The following PPP1R12B variants were observed in gnomAD, a reference collection of about 807,000 sequenced individuals.
The protein encoded by PPP1R12B is protein phosphatase 1 regulatory subunit 12B.
PPP1R12B carries 76 observed loss-of-function variants against 126.1 expected under a neutral mutation model. The observed-to-expected ratio is 0.60, with a 90% CI of 0.50 to 0.73. The LOEUF is 0.73. Among genes scored for constraint, PPP1R12B ranks in the 30% least tolerant of loss-of-function variants. The probability of loss-of-function intolerance (pLI) is 0.00; values close to 1 mark genes in which losing one functional copy is unlikely to be tolerated. For synonymous variants in PPP1R12B, 356 were observed against 434.7 expected, an observed-to-expected ratio of 0.82 and a Z score of 2.25; for missense variants, 1,052 against 1,205.1, an observed-to-expected ratio of 0.87 and a Z score of 1.88.
rs1187410131 is a variant in PPP1R12B at position 202,511,302 on chromosome 1, C to T, written c.2490+14480C>T. On this transcript the variant is annotated intron_variant, in intron 18 of 23. Coordinates refer to ENST00000608999, the MANE Select transcript of PPP1R12B (RefSeq NM_002481.4). ...CGCAATCTCAGCTCACTGCAATCTC[C>T]GCCTCCCGGGTTCAAGCGATTCTCC... is the stretch of plus-strand genomic sequence containing the variant. 7.9e-5 allele frequency among the ~76,000 whole-genome samples: 12 copies of T among 151,414 alleles called. No homozygotes were observed. In the South Asian group the frequency reaches 1.0e-3, roughly 13 times the overall value.
At chr1:202,530,051 T>C (rs1453718333) in intron 18 of PPP1R12B, among the ~76,000 whole-genome samples, 2 of 152,212 alleles carry the variant, frequency 1.3e-5, no homozygotes, top group African/African-American at 4.8e-5. Context: ...AGTGTTTAAC[T>C]GACACTATAT....
At position 202,548,806 on chromosome 1, in the gene PPP1R12B, CTCTATATATA is replaced by C. The variant is rs1284941092; in HGVS notation, c.2491-10069_2491-10060del. Among the ~76,000 whole-genome samples the C allele has an allele frequency of 4.9e-3, 372 of 76,388 alleles. 3 individuals are homozygous for C. The highest frequency in any genetic ancestry group is 0.031 in the East Asian group (60 of 1,954). 50.1% of individuals were successfully genotyped at this position (76,388 alleles called of 152,430 possible). On this transcript the variant is annotated intron_variant, in intron 18 of 23. Transcript: ENST00000608999. ...TCTCTCTCTCTCTCTCTCTCTCTCTCTCTATATATATATATATATATATATATATAATTTT... is the reference window on the plus strand; with the variant it reads ...TCTCTCTCTCTCTCTCTCTCTCTCTCTATATATATATATATATATAATTTT...
intron 18 of PPP1R12B, among the ~76,000 whole-genome samples, chr1:202,500,012 C>T (rs1436036722): frequency 2.6e-5 from 4 of 152,158 alleles, no homozygotes; most frequent in Non-Finnish European, 4.4e-5. Context: ...ACTCTTAATA[C>T]GCTATTGGTG....
intron 1 of PPP1R12B, among the ~76,000 whole-genome samples, chr1:202,416,380 G>A (rs1221949700): frequency 1.3e-5 from 2 of 152,068 alleles, no homozygotes; most frequent in African/African-American, 4.8e-5. Flanking sequence ...TACAAAATGA[G>A]CCAGGTGTGG....
intron 12 of PPP1R12B, chr1:202,443,205 C>T: frequency 3.9e-6 from 3 of 763,804 alleles, no homozygotes; most frequent in Non-Finnish European, 4.8e-6. Context: ...AGCCAGCAAA[C>T]CAGGCACCTT....
At chr1:202,470,010 T>C (rs1310616143) in intron 13 of PPP1R12B, among the ~76,000 whole-genome samples, 3 of 152,194 alleles carry the variant, frequency 2.0e-5, no homozygotes, top group African/African-American at 4.8e-5. Flanking sequence ...GTTTAAGAGC[T>C]TTTCTGCTTC....
At chr1:202,458,140 C>G (rs942772956) in intron 13 of PPP1R12B, among the ~76,000 whole-genome samples, 1 of 147,668 alleles carries the variant, frequency 6.8e-6, no homozygotes, top group Non-Finnish European at 1.5e-5. Flanking sequence ...TCAAAGAAAC[C>G]CAAGACTGGT....
chr1:202,523,086 A>G (rs1682943962), intron 18 of PPP1R12B, among the ~76,000 whole-genome samples: 1 of 152,240 alleles, frequency 6.6e-6, no homozygotes, highest in South Asian at 2.1e-4. Flanking sequence ...GGGCGTGTGT[A>G]TTGTGACCAT....
At chr1:202,411,320 G>A (rs1667357720) in intron 1 of PPP1R12B, among the ~76,000 whole-genome samples, 1 of 149,336 alleles carries the variant, frequency 6.7e-6, no homozygotes, top group Non-Finnish European at 1.5e-5. Flanking sequence ...GGTGCTTCAT[G>A]AGAGTGTCCT....
In PPP1R12B at chr1:202,565,180, G is replaced by A. The variant is rs914612891; in HGVS notation, c.2757+633G>A. ...GCCAGGTTTGATTTAATTAGATGAT[G>A]CTTTAGAGGATGCTGGAGGTAATAA... On this transcript the variant is annotated intron_variant, in intron 21 of 23. Transcript: ENST00000608999. The surrounding 1 kb of genome is among the most constrained non-coding windows in gnomAD (Gnocchi z 4.3). Among the ~76,000 whole-genome samples the A allele has an allele frequency of 1.3e-5, 2 of 152,208 alleles. No individual in the cohort carries two copies. The highest frequency in any genetic ancestry group is 6.5e-5 in the Admixed American group (1 of 15,280).
intron 15 of PPP1R12B, 40 bp downstream of exon 15, chr1:202,493,357 G>C: frequency 6.3e-7 from 1 of 1,577,954 alleles, no homozygotes; most frequent in Non-Finnish European, 8.6e-7. Flanking sequence ...GCTAAAAGCA[G>C]GGTAATTAGT....
At chr1:202,400,038 A>C (rs979194509) in intron 1 of PPP1R12B, among the ~76,000 whole-genome samples, 45 of 151,732 alleles carry the variant, frequency 3.0e-4, no homozygotes, top group African/African-American at 8.5e-4. Flanking sequence ...AGTAGTCCCC[A>C]GTGTCTACTG....
chr1:202,393,134 G>T (rs1213986830), intron 1 of PPP1R12B, among the ~76,000 whole-genome samples: 1 of 151,956 alleles, frequency 6.6e-6, no homozygotes, highest in Non-Finnish European at 1.5e-5. Context: ...TTTTAGTAGA[G>T]ACAGGGTTTT....
At chr1:202,384,481 A>G (rs1300846633) in intron 1 of PPP1R12B, among the ~76,000 whole-genome samples, 2 of 152,252 alleles carry the variant, frequency 1.3e-5, no homozygotes, top group Admixed American at 6.5e-5. Flanking sequence ...GATTTCACTT[A>G]TATGAACTGT....
Position 202,493,113 on chromosome 1 carries a change from G to C in PPP1R12B, c.1942-1G>C, listed in dbSNP as rs111266783. On this transcript the variant is annotated splice_acceptor_variant, in intron 14 of 23. Transcript: ENST00000608999. LOFTEE classifies it high-confidence loss of function. ...GCCCTGATCTTGTGATATTTTCCCA[G>C]GGTGTCACCCTAACAGACCTTCAAG... 1.7e-5 allele frequency: 28 copies of C among 1,611,590 alleles called. No individual in the cohort carries two copies. The highest frequency in any genetic ancestry group is 2.3e-5 in the Non-Finnish European group (27 of 1,179,616).
chr1:202,489,134 A>G (rs1459134744), intron 14 of PPP1R12B, among the ~76,000 whole-genome samples: 1 of 152,228 alleles, frequency 6.6e-6, no homozygotes, highest in Non-Finnish European at 1.5e-5. Flanking sequence ...TATACTACAT[A>G]GAACCAAATG....
chr1:202,487,705 T>A lies in PPP1R12B; in HGVS notation c.1851-828T>A, dbSNP rs72748780. 4.9e-3 allele frequency among the ~76,000 whole-genome samples: 753 copies of A among 152,240 alleles called. 9 individuals are homozygous for A. Among genetic ancestry groups the A allele is most frequent in the Non-Finnish European group, 7.7e-3 (527 of 68,018 alleles). On this transcript the variant is annotated intron_variant, in intron 13 of 23. Transcript: ENST00000608999. The stretch of plus-strand genomic sequence containing the variant: ...CTTACTGCAACCTCGGCCTCCAAGT[T>A]AAAGTGATTCTCTTGTCTCAGCCTC...
At position 202,412,141 on chromosome 1, in the gene PPP1R12B, A is replaced by G. The variant is rs1401244503; in HGVS notation, c.292-4646A>G. Among the ~76,000 whole-genome samples the G allele has an allele frequency of 2.6e-5, 4 of 152,174 alleles. No individual in the cohort carries two copies. The East Asian group carries it at 7.7e-4, about 29-fold the overall frequency. On this transcript the variant is annotated intron_variant, in intron 1 of 23. Transcript: ENST00000608999. ...TTGTTGTTCTGTCAAACTTCCTTAC[A>G]GTGTCATTCCCGTAAAATTTTGTAT...
At chr1:202,561,870 C>T (rs1227761436) in intron 19 of PPP1R12B, among the ~76,000 whole-genome samples, 1 of 152,174 alleles carries the variant, frequency 6.6e-6, no homozygotes, top group East Asian at 1.9e-4. Flanking sequence ...TTCCCCACCC[C>T]CAGCTATGGC....
Sources: gnomAD v4.1 joint callset for allele counts (sites outside exome capture counted in the v4.1 genomes callset) on GRCh38, gnomAD v4.1.1 for gene constraint, Gnocchi (gnomAD v3.1) non-coding constraint, MANE v1.5 for transcripts, NCBI Gene and HGNC (gene_info 2026-07-23, HGNC 2026-07-21) for gene names.